KCNIP2: variants seen among roughly 807,000 people sequenced by gnomAD.
KCNIP2 encodes the protein potassium voltage-gated channel interacting protein 2.
Under a neutral mutation model 39.0 loss-of-function variants are expected in KCNIP2, and 19 were observed. The observed-to-expected ratio is 0.49, with a 90% CI of 0.34 to 0.71. KCNIP2 has a LOEUF of 0.71. KCNIP2 is among the 30% of genes least tolerant of loss of function. The pLI is 0.01. For synonymous variants in KCNIP2, 111 were observed against 131.2 expected (o/e 0.85, Z 1.05); for missense variants, 261 against 346.0 (o/e 0.75, Z 1.95).
At chr10:101,836,104 G>C (rs1042299535) in intron 1 of KCNIP2, among the ~76,000 whole-genome samples, 4 of 152,038 alleles carry the variant, frequency 2.6e-5, no homozygotes, top group Admixed American at 2.6e-4. Context: ...TGTGGGGTGG[G>C]GGCCAGTCCC....
chr10:101,836,214 CG>C (rs1353678110), intron 1 of KCNIP2, among the ~76,000 whole-genome samples: 2 of 152,090 alleles, frequency 1.3e-5, no homozygotes, highest in Non-Finnish European at 2.9e-5. Flanking sequence ...TCCTTCTCCC[CG>C]ACCTGCCCCA....
intron 2 of KCNIP2, 77 bp downstream of exon 2, chr10:101,830,993 GCA>G: frequency 7.9e-7 from 1 of 1,261,552 alleles, no homozygotes; most frequent in Non-Finnish European, 1.1e-6. Context: ...CAGGCCTGGG[GCA>G]CACGCGCACA....
At chr10:101,840,382 G>C (rs899042081) in intron 1 of KCNIP2, among the ~76,000 whole-genome samples, 1 of 151,996 alleles carries the variant, frequency 6.6e-6, no homozygotes, top group Non-Finnish European at 1.5e-5. Context: ...GTGTATTGGG[G>C]TGGCAAAGAA....
intron 3 of KCNIP2, 112 bp from the exon 4 acceptor site, chr10:101,829,311 AC>A: frequency 7.3e-7 from 1 of 1,362,534 alleles, no homozygotes; most frequent in Non-Finnish European, 9.7e-7. Flanking sequence ...GATGCCGGAG[AC>A]CAGGCTGCCA....
chr10:101,841,655 A>G (rs907351110), intron 1 of KCNIP2, among the ~76,000 whole-genome samples: 5 of 152,200 alleles, frequency 3.3e-5, no homozygotes, highest in Admixed American at 6.5e-5. Context: ...CAGATGAGAA[A>G]GGTGAGGCCA....
chr10:101,837,631 AC>A (rs1168284825), intron 1 of KCNIP2, among the ~76,000 whole-genome samples: 1 of 152,010 alleles, frequency 6.6e-6, no homozygotes, highest in Non-Finnish European at 1.5e-5. Context: ...ACGCTACTTC[AC>A]TCCAGTCTGA....
chr10:101,828,311 C>G lies in KCNIP2; in HGVS notation c.490-53G>C, dbSNP rs1443263517. On this transcript the variant is annotated intron_variant, in intron 6 of 9. Coordinates refer to ENST00000356640, the MANE Select transcript of KCNIP2 (RefSeq NM_173191.3). The surrounding 1 kb of genome is among the most constrained non-coding windows in gnomAD (Gnocchi z 6.6). ...TCCTCGGGTACTCTTCACCCAACTC[C>G]TTCTCTGGGTTTGGCCTGGAGATCC... is the stretch of plus-strand genomic sequence containing the variant. 1 of 1,611,046 alleles carries G rather than the reference C, an allele frequency of 6.2e-7. No homozygotes were observed. The highest frequency in any genetic ancestry group is 1.3e-5 in the African/African-American group (1 of 74,830).
chr10:101,838,808 A>C lies in KCNIP2; in HGVS notation c.73+4688T>G, dbSNP rs186755191. On this transcript the variant is annotated intron_variant, in intron 1 of 9. Coordinates refer to ENST00000356640, the MANE Select transcript of KCNIP2 (RefSeq NM_173191.3). This position sits in a 1 kb window ranked among gnomAD's most constrained non-coding sequence, Gnocchi z 4.0. ...GGCTCAAGTGGATACCCATGGAGAGAGCCAGAAAATGACAGATCTCAGAAT... is the reference window on the plus strand; with the variant it reads ...GGCTCAAGTGGATACCCATGGAGAGCGCCAGAAAATGACAGATCTCAGAAT... Among the ~76,000 whole-genome samples the C allele has an allele frequency of 5.4e-4, 82 of 152,334 alleles. No homozygotes were observed. Among genetic ancestry groups the C allele is most frequent in the African/African-American group, 1.9e-3 (80 of 41,574 alleles).
At position 101,843,675 on chromosome 10, in the gene KCNIP2, G is replaced by A. The variant is rs1405278824; in HGVS notation, c.-107C>T. ...GGCGGCCTACTGTGCTGTCGGGGCT[G>A]GGGAAGTCCGGGCTGAGGCTGAGTC... On this transcript the variant is annotated 5_prime_UTR_variant, in exon 1 of 10. Coordinates refer to ENST00000356640, the MANE Select transcript of KCNIP2 (RefSeq NM_173191.3). This position sits in a 1 kb window ranked among gnomAD's most constrained non-coding sequence, Gnocchi z 6.7. 1.8e-6 allele frequency: 1 copy of A among 541,252 alleles called. No homozygotes were observed. The highest frequency in any genetic ancestry group is 3.1e-6 in the Non-Finnish European group (1 of 322,954). 33.5% of individuals were successfully genotyped at this position (541,252 alleles called of 1,614,324 possible).
At position 101,831,110 on chromosome 10, in the gene KCNIP2, G is replaced by A; in HGVS notation, c.131C>T (p.Pro44Leu). 2 of 1,613,750 alleles carry A rather than the reference G, an allele frequency of 1.2e-6. No individual in the cohort carries two copies. Among genetic ancestry groups the A allele is most frequent in the Non-Finnish European group, 8.5e-7 (1 of 1,179,924 alleles). Residue 44 changes from proline to leucine, a missense_variant, in exon 2 of 10, where the codon CCG (proline) becomes CTG (leucine). Transcript: ENST00000356640. Reference sequence around the variant, plus strand: ...GGGCAGGGCTTGGGGCCCGCAGCACGGCAGCAGCTTGAGGAATCGCTGCTT... The same window carrying A: ...GGGCAGGGCTTGGGGCCCGCAGCACAGCAGCAGCTTGAGGAATCGCTGCTT... ...ALKQRFLKLL[P>L]CCGPQALPSV...
At chr10:101,830,051 C>T (rs2065912519) in intron 2 of KCNIP2, 154 bp from the exon 3 acceptor site, 3 of 880,462 alleles carry the variant, frequency 3.4e-6, no homozygotes, top group Non-Finnish European at 5.3e-6. Flanking sequence ...CCCATGCACA[C>T]AAGCTTGCGG....
chr10:101,830,344 G>A lies in KCNIP2; in HGVS notation c.170-447C>T. 1.9e-5 allele frequency: 23 copies of A among 1,202,106 alleles called. No homozygotes were observed. In the South Asian group the frequency reaches 3.4e-4, roughly 18 times the overall value. The allele number at this position is 1,202,106 out of a possible 1,614,324, so 74.5% of individuals were successfully genotyped here. ...CATCCTCTACACCTGTCACCATCCT[G>A]TCGGGGCATAGGCAACACACATCAG... On this transcript the variant is annotated intron_variant, in intron 2 of 9. Coordinates refer to ENST00000356640, the MANE Select transcript of KCNIP2 (RefSeq NM_173191.3).
rs988625917 is a variant in KCNIP2, at chr10:101,840,063, G to C, written c.73+3433C>G. ...CGCCCCCAAAGTTCCTGGACGGGGG[G>C]GGGGGGTGGCGGGGAGGGGCGGCGC... On this transcript the variant is annotated intron_variant, in intron 1 of 9. Transcript: ENST00000356640. 1.1e-4 allele frequency among the ~76,000 whole-genome samples: 17 copies of C among 151,820 alleles called. 1 individual carries two copies. Among genetic ancestry groups the C allele is most frequent in the South Asian group, 6.3e-4 (3 of 4,792 alleles).
In KCNIP2 at chr10:101,840,855, G is replaced by A. The variant is rs1452083943; in HGVS notation, c.73+2641C>T. Among the ~76,000 whole-genome samples the A allele has an allele frequency of 3.3e-5, 5 of 152,248 alleles. No individual in the cohort carries two copies. In the South Asian group the frequency reaches 8.3e-4, roughly 25 times the overall value. On this transcript the variant is annotated intron_variant, in intron 1 of 9. Coordinates refer to ENST00000356640, the MANE Select transcript of KCNIP2 (RefSeq NM_173191.3). ...CTCGCAGCCACACGGGGGCGCCCCC[G>A]CCCCGGCAACAATACTCAGGGCCGG...
intron 2 of KCNIP2, 42 bp downstream of exon 2, chr10:101,831,030 C>A: frequency 6.5e-7 from 1 of 1,528,264 alleles, no homozygotes; most frequent in Non-Finnish European, 9.0e-7. Context: ...CACGCACGCA[C>A]ACATCGAGCC....
Position 101,829,117 on chromosome 10 carries a change from G to A in KCNIP2, c.306C>T (p.Phe102=). 1 of 1,614,214 alleles carries A rather than the reference G, an allele frequency of 6.2e-7. No homozygotes were observed. The highest frequency in any genetic ancestry group is 8.5e-7 in the Non-Finnish European group (1 of 1,180,030). Residue 102 remains phenylalanine (F), a synonymous_variant, in exon 4 of 10, where the codon TTC becomes TTT. Transcript: ENST00000356640. The part of the protein sequence containing the change: ...GLEQLQEQTK[F]TRKELQVLYR... Reference sequence around the variant, plus strand: ...ACAGGACCTGCAACTCCTTGCGCGTGAATTTGGTTTGCTCCTGCAGCTGCT... The same window carrying A: ...ACAGGACCTGCAACTCCTTGCGCGTAAATTTGGTTTGCTCCTGCAGCTGCT...
chr10:101,831,497 A>G (rs1341705612), intron 1 of KCNIP2, among the ~76,000 whole-genome samples: 2 of 152,118 alleles, frequency 1.3e-5, no homozygotes, highest in African/African-American at 4.8e-5. Context: ...TGTCCAACCC[A>G]AGGATTGCCT....
intron 1 of KCNIP2, among the ~76,000 whole-genome samples, chr10:101,831,384 G>T (rs2065987866): frequency 1.3e-5 from 2 of 152,166 alleles, no homozygotes; most frequent in Non-Finnish European, 2.9e-5. Flanking sequence ...ATGGGACGTG[G>T]CCGGTGACAG....
Position 101,828,263 on chromosome 10 carries a change from G to A in KCNIP2, c.490-5C>T. The stretch of plus-strand genomic sequence containing the variant: ...GGACAAACCAGCCACAAAGTCCTGG[G>A]AAGGAGGCAGGAGGGAGCTGTGTCC... On this transcript the variant is annotated splice_polypyrimidine_tract_variant and splice_region_variant and intron_variant, in intron 6 of 9. Transcript: ENST00000356640. The surrounding 1 kb of genome is among the most constrained non-coding windows in gnomAD (Gnocchi z 6.6). The A allele has an allele frequency of 6.2e-7, 1 of 1,613,934 alleles. No individual in the cohort carries two copies. Among genetic ancestry groups the A allele is most frequent in the South Asian group, 1.1e-5 (1 of 91,076 alleles).
Sources: allele counts gnomAD v4.1 joint callset (sites outside exome capture counted in the v4.1 genomes callset), GRCh38; gene constraint gnomAD v4.1.1; non-coding constraint Gnocchi (gnomAD v3.1); transcripts MANE v1.5; gene names NCBI Gene and HGNC (gene_info 2026-07-23, HGNC 2026-07-21).